CCDC7: variants seen among roughly 807,000 people sequenced by gnomAD.
CCDC7 encodes coiled-coil domain containing 7, also known as coiled-coil domain-containing protein 7.
A neutral mutation model predicts 196.9 loss-of-function variants in CCDC7; 183 were observed. The observed-to-expected ratio is 0.93, with a 90% CI of 0.82 to 1.05. The LOEUF (loss-of-function observed/expected upper bound fraction) is 1.05, where lower values mean the gene tolerates loss of function less well. CCDC7 is among the 50% of genes least tolerant of loss of function. The pLI, the probability that CCDC7 is intolerant of heterozygous loss-of-function variation, is 0.00. For synonymous variants in CCDC7, 525 were observed against 484.6 expected (o/e 1.08, Z -1.10); for missense variants, 1,540 against 1,482.2 (o/e 1.04, Z -0.64).
intron 9 of CCDC7, 147 bp from the exon 11 acceptor site, chr10:32,517,794 AAAAG>A (rs2047264806): frequency 1.6e-6 from 1 of 641,910 alleles, no homozygotes; most frequent in Non-Finnish European, 2.4e-6. Context: ...AATAAAAAGA[AAAAG>A]AAAAAGTGGG....
chr10:32,574,511 C>A, intron 16 of CCDC7: 1 of 1,534,402 alleles, frequency 6.5e-7, no homozygotes, highest in Non-Finnish European at 8.7e-7. Context: ...GGAGACCCCA[C>A]CTGAGCAGAT....
At chr10:32,832,011 G>A (rs2092234291) in intron 32 of CCDC7, among the ~76,000 whole-genome samples, 1 of 152,068 alleles carries the variant, frequency 6.6e-6, no homozygotes, top group Admixed American at 6.6e-5. Flanking sequence ...ATCATCACAG[G>A]TTTGTGAATA....
At chr10:32,706,537 T>G (rs190169993) in intron 24 of CCDC7, among the ~76,000 whole-genome samples, 12 of 152,132 alleles carry the variant, frequency 7.9e-5, no homozygotes, top group Admixed American at 7.2e-4. Flanking sequence ...AGGAAATAGT[T>G]TTTTGAAACA....
At chr10:32,857,048 G>A (rs759979910) in intron 41 of CCDC7, among the ~76,000 whole-genome samples, 1 of 152,128 alleles carries the variant, frequency 6.6e-6, no homozygotes, top group Non-Finnish European at 1.5e-5. Context: ...TCTGGCCTGT[G>A]TCAGGCTCAA....
At chr10:32,503,271 T>G (rs2044363694) in intron 9 of CCDC7, among the ~76,000 whole-genome samples, 1 of 152,152 alleles carries the variant, frequency 6.6e-6, no homozygotes, top group Non-Finnish European at 1.5e-5. Context: ...ATAATAATGT[T>G]AGCTATGGGG....
At chr10:32,577,310 T>C (rs148895553) in intron 16 of CCDC7, among the ~76,000 whole-genome samples, 4,226 of 151,998 alleles carry the variant, frequency 0.028, 214 homozygotes, top group African/African-American at 0.096. Flanking sequence ...TGCAGTGAGC[T>C]GAGATCGTGC....
intron 22 of CCDC7, among the ~76,000 whole-genome samples, chr10:32,687,842 T>C (rs949496438): frequency 6.6e-6 from 1 of 152,184 alleles, no homozygotes; most frequent in African/African-American, 2.4e-5. Flanking sequence ...ACATGTGTTA[T>C]AGGTATCGTC....
intron 18 of CCDC7, among the ~76,000 whole-genome samples, chr10:32,624,332 A>G (rs2063735639): frequency 6.6e-6 from 1 of 152,108 alleles, no homozygotes; most frequent in Admixed American, 6.6e-5. Flanking sequence ...CATTCTCTCC[A>G]ACCACTTTCC....
intron 20 of CCDC7, among the ~76,000 whole-genome samples, chr10:32,650,379 C>G (rs764940560): frequency 6.6e-6 from 1 of 152,218 alleles, no homozygotes; most frequent in Non-Finnish European, 1.5e-5. Flanking sequence ...TGTGCATCTT[C>G]ACATTTGCAA....
intron 33 of CCDC7, among the ~76,000 whole-genome samples, chr10:32,840,530 A>G (rs563806681): frequency 2.0e-5 from 3 of 152,112 alleles, no homozygotes; most frequent in South Asian, 4.1e-4. Context: ...AACAACAAAA[A>G]AAGTTCAGGA....
chr10:32,721,708 G>T (rs1219933577), intron 25 of CCDC7, among the ~76,000 whole-genome samples: 1 of 152,030 alleles, frequency 6.6e-6, no homozygotes, highest in East Asian at 1.9e-4. Context: ...AATTCACTTG[G>T]GTTTTAGGTC....
chr10:32,490,530 C>T (rs1291431159), intron 8 of CCDC7, among the ~76,000 whole-genome samples: 2 of 152,192 alleles, frequency 1.3e-5, no homozygotes, highest in Non-Finnish European at 2.9e-5. Context: ...GGTGCAGTGG[C>T]TCACGCCTGT....
intron 18 of CCDC7, among the ~76,000 whole-genome samples, chr10:32,588,993 A>G (rs1023252276): frequency 6.6e-6 from 1 of 152,142 alleles, no homozygotes; most frequent in Non-Finnish European, 1.5e-5. Context: ...TCAAGCATCT[A>G]TCCTTTATGT....
chr10:32,875,991 A>G (rs2094585627), intron 41 of CCDC7, among the ~76,000 whole-genome samples: 1 of 151,974 alleles, frequency 6.6e-6, no homozygotes, highest in African/African-American at 2.4e-5. Flanking sequence ...GGCTAGCAGC[A>G]TGGGCATCGC....
At chr10:32,691,953 A>G (rs1280646735) in intron 23 of CCDC7, among the ~76,000 whole-genome samples, 2 of 152,216 alleles carry the variant, frequency 1.3e-5, no homozygotes, top group Non-Finnish European at 2.9e-5. Context: ...TCCTTAGGCA[A>G]TATGGGCACT....
At chr10:32,481,896 T>C (rs1564405017) in intron 8 of CCDC7, 1 of 152,232 alleles carries the variant, frequency 6.6e-6, no homozygotes, top group South Asian at 2.1e-4. Context: ...ATTCTCTCTG[T>C]GTGAGGAAGC....
At chr10:32,634,212 C>T (rs1031742968) in intron 18 of CCDC7, 42 bp from the exon 20 acceptor site, 76 of 852,794 alleles carry the variant, frequency 8.9e-5, no homozygotes, top group Non-Finnish European at 1.1e-4. Flanking sequence ...CACAATAGAG[C>T]TCTTTCTCTA....
chr10:32,468,515 T>C (rs1307444439), intron 5 of CCDC7, among the ~76,000 whole-genome samples: 1 of 152,232 alleles, frequency 6.6e-6, no homozygotes, highest in African/African-American at 2.4e-5. Context: ...TATAGGATTA[T>C]GTTGTCTATA....
chr10:32,863,170 C>CA (rs145500693), intron 41 of CCDC7, among the ~76,000 whole-genome samples: 12,238 of 151,422 alleles, frequency 0.081, 601 homozygotes, highest in Non-Finnish European at 0.11. Flanking sequence ...TATGAAACCA[C>CA]AAAAAAAACC....
Sources: allele counts gnomAD v4.1 joint callset (sites outside exome capture counted in the v4.1 genomes callset), GRCh38; gene constraint gnomAD v4.1.1; transcripts MANE v1.5; gene names NCBI Gene and HGNC (gene_info 2026-07-23, HGNC 2026-07-21).